AMMECR1L: variants seen among roughly 807,000 people sequenced by gnomAD.
The protein encoded by AMMECR1L is AMMECR1-like protein.
Under a neutral mutation model 36.8 loss-of-function variants are expected in AMMECR1L, and 4 were observed. That is an observed-to-expected ratio of 0.11 (90% CI 0.05 to 0.25). The LOEUF (loss-of-function observed/expected upper bound fraction) is 0.25. Ranked by LOEUF, AMMECR1L falls within the 10% of genes least tolerant of loss-of-function variation. AMMECR1L has a pLI of 1.00. For synonymous variants in AMMECR1L, 147 were observed against 148.0 expected (o/e 0.99, Z 0.05); for missense variants, 232 against 392.1 (o/e 0.59, Z 3.45).
chr2:127,882,449 T>G (rs1399349508), intron 2 of AMMECR1L, among the ~76,000 whole-genome samples: 2 of 152,184 alleles, frequency 1.3e-5, no homozygotes, highest in African/African-American at 4.8e-5. Context: ...TATGGAACTA[T>G]TCCAGGAAAC....
intron 2 of AMMECR1L, among the ~76,000 whole-genome samples, chr2:127,876,781 G>A (rs1691261755): frequency 6.6e-6 from 1 of 152,118 alleles, no homozygotes; most frequent in African/African-American, 2.4e-5. Flanking sequence ...ACTTTGGGAG[G>A]CCGAGGTGGG....
intron 2 of AMMECR1L, among the ~76,000 whole-genome samples, chr2:127,878,967 A>G (rs1200559731): frequency 2.0e-5 from 3 of 152,218 alleles, no homozygotes; most frequent in Non-Finnish European, 4.4e-5. Context: ...AGAAAATAGT[A>G]TACTCCACAA....
At chr2:127,884,962 A>T (rs1691686662) in intron 1 of AMMECR1L, 2 of 175,852 alleles carry the variant, frequency 1.1e-5, no homozygotes, top group Non-Finnish European at 2.2e-5. Flanking sequence ...ACTCTATCCT[A>T]GGAGAGGGCA....
intron 2 of AMMECR1L, among the ~76,000 whole-genome samples, chr2:127,882,466 A>C (rs1691547523): frequency 6.6e-6 from 1 of 152,238 alleles, no homozygotes; most frequent in African/African-American, 2.4e-5. Flanking sequence ...AAACAGTCAG[A>C]AAAACCCACA....
In AMMECR1L at chr2:127,871,374, A is replaced by C; in HGVS notation, c.408-15T>G. On this transcript the variant is annotated splice_polypyrimidine_tract_variant and intron_variant, in intron 3 of 7. Coordinates refer to ENST00000272647, the MANE Select transcript of AMMECR1L (RefSeq NM_001199140.2). This position sits in a 1 kb window ranked among gnomAD's most constrained non-coding sequence, Gnocchi z 4.3. ...CAAAGAGCGGACTAAAAAAAGCAAA[A>C]CACAAAACATTCTCCAGCCCCAAAT... 2 of 1,611,220 alleles carry C rather than the reference A, an allele frequency of 1.2e-6. No individual in the cohort carries two copies. Among genetic ancestry groups the C allele is most frequent in the Non-Finnish European group, 1.7e-6 (2 of 1,178,938 alleles).
At chr2:127,883,706 A>C (rs1336876243) in intron 2 of AMMECR1L, among the ~76,000 whole-genome samples, 1 of 152,202 alleles carries the variant, frequency 6.6e-6, no homozygotes, top group Non-Finnish European at 1.5e-5. Context: ...TTACAGTGAA[A>C]AATTTTAATT....
intron 1 of AMMECR1L, chr2:127,885,436 T>C (rs1307731886): frequency 6.6e-5 from 7 of 105,748 alleles, no homozygotes; most frequent in African/African-American, 2.7e-4. Context: ...GGCGGGACGG[T>C]GGGTGGGGGC....
rs1020030939 is a variant in AMMECR1L at position 127,869,032 on chromosome 2, G to A, written c.724+422C>T. On this transcript the variant is annotated intron_variant, in intron 6 of 7. Transcript: ENST00000272647. This position sits in a 1 kb window ranked among gnomAD's most constrained non-coding sequence, Gnocchi z 4.7. Reference sequence around the variant, plus strand: ...GCCACCACGCCTGGCCGACTACTGAGTTCTTTAAAAAACAGTAGGGACTAT... The same window carrying A: ...GCCACCACGCCTGGCCGACTACTGAATTCTTTAAAAAACAGTAGGGACTAT... 6.6e-6 allele frequency among the ~76,000 whole-genome samples: 1 copy of A among 152,050 alleles called. No individual in the cohort carries two copies. Among genetic ancestry groups the A allele is most frequent in the African/African-American group, 2.4e-5 (1 of 41,428 alleles).
At chr2:127,885,236 A>T in intron 1 of AMMECR1L, 1 of 985,090 alleles carries the variant, frequency 1.0e-6, no homozygotes, top group Non-Finnish European at 1.2e-6. Flanking sequence ...GTGTTAAGAA[A>T]ACGACAGGAC....
Position 127,874,131 on chromosome 2 carries a change from C to T in AMMECR1L, c.104G>A (p.Gly35Glu), listed in dbSNP as rs780786428. ...GCCGGGGACAGTTGTGGACTGATTCCCGTGACTGTGCGTTCCACTTCCAGA... is the reference window on the plus strand; with the variant it reads ...GCCGGGGACAGTTGTGGACTGATTCTCGTGACTGTGCGTTCCACTTCCAGA... ...KLSGSGTHSH[G>E]NQSTTVPGSS... Residue 35 changes from glycine (G) to glutamate (E), a missense_variant, in exon 3 of 8, where the codon GGG becomes GAG. By Grantham distance (98) the Gly-to-Glu change is moderately conservative. Coordinates refer to ENST00000272647, the MANE Select transcript of AMMECR1L (RefSeq NM_001199140.2). The surrounding 1 kb of genome is among the most constrained non-coding windows in gnomAD (Gnocchi z 5.2). The T allele has an allele frequency of 1.2e-6, 2 of 1,614,150 alleles. No homozygotes were observed. Among genetic ancestry groups the T allele is most frequent in the Admixed American group, 3.3e-5 (2 of 60,016 alleles).
At position 127,873,749 on chromosome 2, in the gene AMMECR1L, A is replaced by G. The variant is rs1329658131; in HGVS notation, c.407+79T>C. ...CAAATGATAATAAAGACTTCCAAGT[A>G]GCAGACCCTCTCAAGAGAATCACCC... is the stretch of plus-strand genomic sequence containing the variant. On this transcript the variant is annotated intron_variant, in intron 3 of 7. Transcript: ENST00000272647. The surrounding 1 kb of genome is among the most constrained non-coding windows in gnomAD (Gnocchi z 5.2). The G allele has an allele frequency of 6.2e-6, 10 of 1,603,416 alleles. No individual in the cohort carries two copies. The highest frequency in any genetic ancestry group is 8.5e-6 in the Non-Finnish European group (10 of 1,178,004).
In AMMECR1L at chr2:127,869,374, G is replaced by T; in HGVS notation, c.724+80C>A. 1.5e-6 allele frequency: 2 copies of T among 1,352,568 alleles called. No individual in the cohort carries two copies. The highest frequency in any genetic ancestry group is 2.1e-6 in the Non-Finnish European group (2 of 944,336). The allele number at this position is 1,352,568 out of a possible 1,614,324, so 83.8% of individuals were successfully genotyped here. A position where few individuals can be genotyped will look rare whatever the true frequency, so the allele number is the denominator to read the frequency against. ...CTCAGCTGCAGTTGGGCTGCAAGATGACACACTTCACTTTCTTGCCCTTTA... is the reference window on the plus strand; with the variant it reads ...CTCAGCTGCAGTTGGGCTGCAAGATTACACACTTCACTTTCTTGCCCTTTA... On this transcript the variant is annotated intron_variant, in intron 6 of 7. Transcript: ENST00000272647. The surrounding 1 kb of genome is among the most constrained non-coding windows in gnomAD (Gnocchi z 4.7).
intron 2 of AMMECR1L, among the ~76,000 whole-genome samples, chr2:127,877,218 G>A (rs1047573690): frequency 6.6e-6 from 1 of 151,798 alleles, no homozygotes; most frequent in South Asian, 2.1e-4. Context: ...CTTGCACAGA[G>A]CACACACTCT....
intron 6 of AMMECR1L, 67 bp from the exon 7 acceptor site, chr2:127,867,063 C>T: frequency 1.2e-6 from 2 of 1,602,886 alleles, no homozygotes; most frequent in Non-Finnish European, 1.7e-6. Context: ...CTCACATGGC[C>T]CGTGCAAGAA....
intron 1 of AMMECR1L, chr2:127,885,282 G>A (rs961037607): frequency 1.3e-5 from 13 of 984,304 alleles, no homozygotes; most frequent in East Asian, 1.1e-4. Flanking sequence ...GAGGGACAGG[G>A]TGAAAGGTGA....
At chr2:127,872,583 C>G (rs1691032905) in intron 3 of AMMECR1L, among the ~76,000 whole-genome samples, 2 of 152,124 alleles carry the variant, frequency 1.3e-5, no homozygotes, top group South Asian at 4.2e-4. Context: ...CACAAAGGTC[C>G]CCACAGCAGC....
At chr2:127,883,271 T>C (rs1452189068) in intron 2 of AMMECR1L, among the ~76,000 whole-genome samples, 1 of 152,026 alleles carries the variant, frequency 6.6e-6, no homozygotes, top group Non-Finnish European at 1.5e-5. Context: ...CTAATTTTTG[T>C]ATTTTCAGTA....
In AMMECR1L at chr2:127,874,407, A is replaced by C; in HGVS notation, c.-38-135T>G. On this transcript the variant is annotated intron_variant, in intron 2 of 7. Transcript: ENST00000272647. The surrounding 1 kb of genome is among the most constrained non-coding windows in gnomAD (Gnocchi z 5.2). ...TTCTCCCACTCAACCTCCAGGTCAC[A>C]GACCAGGAGAAGAAACCCCTAACCT... The C allele has an allele frequency of 1.2e-6, 1 of 809,182 alleles. No homozygotes were observed. The highest frequency in any genetic ancestry group is 1.9e-6 in the Non-Finnish European group (1 of 530,336). The allele number at this position is 809,182 out of a possible 1,614,324, so 50.1% of individuals were successfully genotyped here.
intron 2 of AMMECR1L, among the ~76,000 whole-genome samples, chr2:127,875,940 C>T (rs1195425805): frequency 2.0e-5 from 3 of 152,072 alleles, no homozygotes; most frequent in Admixed American, 1.3e-4. Flanking sequence ...ACTGCAGGTA[C>T]ACACCACTAT....
Sources: allele counts gnomAD v4.1 joint callset (sites outside exome capture counted in the v4.1 genomes callset), GRCh38; gene constraint gnomAD v4.1.1; non-coding constraint Gnocchi (gnomAD v3.1); transcripts MANE v1.5; gene names NCBI Gene and HGNC (gene_info 2026-07-23, HGNC 2026-07-21).